SRGAP1: variants seen among roughly 807,000 people sequenced by gnomAD.
SRGAP1 encodes the protein SLIT-ROBO Rho GTPase-activating protein 1.
A neutral mutation model predicts 121.9 loss-of-function variants in SRGAP1; 43 were observed. The observed-to-expected ratio is 0.35, with a 90% CI of 0.28 to 0.46. The LOEUF is 0.46. Ranked by LOEUF, SRGAP1 falls within the 20% of genes least tolerant of loss-of-function variation. SRGAP1 has a pLI of 1.00. For missense variants in SRGAP1, 1,102 were observed against 1,350.9 expected (o/e 0.82, Z 2.89); for synonymous variants, 447 against 485.4 (o/e 0.92, Z 1.04).
At chr12:63,938,323 C>T (rs2031739360) in intron 1 of SRGAP1, among the ~76,000 whole-genome samples, 1 of 152,146 alleles carries the variant, frequency 6.6e-6, no homozygotes, top group Non-Finnish European at 1.5e-5. Context: ...TTTAGGAGCC[C>T]TTGTAGAGGT....
At chr12:63,995,451 G>A (rs1053920439) in intron 3 of SRGAP1, among the ~76,000 whole-genome samples, 8 of 152,270 alleles carry the variant, frequency 5.3e-5, no homozygotes, top group East Asian at 1.9e-4. Flanking sequence ...GTCTTTGCCC[G>A]TATGTCTTAG....
intron 1 of SRGAP1, among the ~76,000 whole-genome samples, chr12:63,951,309 G>A (rs1221929133): frequency 6.6e-6 from 1 of 151,630 alleles, no homozygotes; most frequent in South Asian, 2.1e-4. Flanking sequence ...GATTACAGGC[G>A]CCCACCACCA....
intron 3 of SRGAP1, among the ~76,000 whole-genome samples, chr12:64,001,066 A>G (rs886638837): frequency 1.9e-4 from 29 of 152,330 alleles, no homozygotes; most frequent in Middle Eastern, 3.4e-3. Context: ...ACATACACAT[A>G]CACACACAAA....
intron 1 of SRGAP1, among the ~76,000 whole-genome samples, chr12:63,962,287 T>C (rs1037415125): frequency 6.6e-6 from 1 of 152,230 alleles, no homozygotes; most frequent in Non-Finnish European, 1.5e-5. Context: ...CTTTTTACAA[T>C]GTAGGCTGCT....
chr12:63,997,237 A>G (rs1297294074), intron 3 of SRGAP1, among the ~76,000 whole-genome samples: 1 of 152,168 alleles, frequency 6.6e-6, no homozygotes, highest in African/African-American at 2.4e-5. Flanking sequence ...ATCTTATGGG[A>G]CCACCGTCAT....
chr12:63,999,049 T>C (rs1410957888), intron 3 of SRGAP1, among the ~76,000 whole-genome samples: 1 of 152,142 alleles, frequency 6.6e-6, no homozygotes, highest in Non-Finnish European at 1.5e-5. Flanking sequence ...TTACTTCTTA[T>C]GACTTGGAGA....
intron 17 of SRGAP1, among the ~76,000 whole-genome samples, chr12:64,113,409 A>G (rs1296941790): frequency 6.6e-6 from 1 of 152,162 alleles, no homozygotes; most frequent in Non-Finnish European, 1.5e-5. Context: ...TTCTGTCTCA[A>G]AAAAATAAAA....
intron 3 of SRGAP1, among the ~76,000 whole-genome samples, chr12:64,010,191 T>C (rs1168846883): frequency 2.0e-5 from 3 of 152,124 alleles, no homozygotes; most frequent in Non-Finnish European, 2.9e-5. Flanking sequence ...TCTCTTTTAC[T>C]CCCGCGGTGA....
chr12:64,055,657 T>G (rs2035326685), intron 6 of SRGAP1, among the ~76,000 whole-genome samples: 1 of 152,048 alleles, frequency 6.6e-6, no homozygotes, highest in Non-Finnish European at 1.5e-5. Flanking sequence ...AAAACAGAGA[T>G]ATAGATCAAT....
At chr12:63,919,499 C>CATATATATAT (rs10570691) in intron 1 of SRGAP1, among the ~76,000 whole-genome samples, 2,172 of 133,422 alleles carry the variant, frequency 0.016, 55 homozygotes, top group African/African-American at 0.064. Flanking sequence ...CTTAACATTA[C>CATATATATAT]ATATATATAT....
intron 21 of SRGAP1, 81 bp downstream of exon 21, chr12:64,128,281 T>C (rs1466476372): frequency 7.9e-7 from 1 of 1,264,042 alleles, no homozygotes; most frequent in Non-Finnish European, 1.1e-6. Flanking sequence ...TTTATTTACT[T>C]TTTACTTTAT....
chr12:63,847,998 A>G (rs1898956916), intron 1 of SRGAP1, among the ~76,000 whole-genome samples: 1 of 149,058 alleles, frequency 6.7e-6, no homozygotes. Flanking sequence ...TTATTCTTTA[A>G]TTTTTATTTT....
rs1288070326 is a variant in SRGAP1, at chr12:63,901,286, G to GA, written c.67+56409dup. On this transcript the variant is annotated intron_variant, in intron 1 of 21. Transcript: ENST00000355086. ...TTTCAACACTGGATAAATCTGTAAAGAAAAAATGAGCCATTCCCAGTCCTG... is the reference window on the plus strand; with the variant it reads ...TTTCAACACTGGATAAATCTGTAAAGAAAAAAATGAGCCATTCCCAGTCCTG... Among the ~76,000 whole-genome samples, 9 of 152,226 alleles carry GA rather than the reference G, an allele frequency of 5.9e-5. No homozygotes were observed. In the South Asian group the frequency reaches 6.2e-4, roughly 11 times the overall value.
At chr12:63,965,681 TA>T (rs2032770668) in intron 1 of SRGAP1, among the ~76,000 whole-genome samples, 1 of 152,064 alleles carries the variant, frequency 6.6e-6, no homozygotes, top group African/African-American at 2.4e-5. Flanking sequence ...TAAATAAATT[TA>T]AAAAAACACA....
At chr12:64,063,199 T>TG in intron 7 of SRGAP1, 61 bp downstream of exon 7, 1 of 1,400,724 alleles carries the variant, frequency 7.1e-7, no homozygotes, top group South Asian at 1.2e-5. Context: ...TCTCCTCACT[T>TG]GCTATAATCT....
rs111374903 is a variant in SRGAP1, at chr12:64,131,213, C to T, written c.2880+3013C>T. On this transcript the variant is annotated intron_variant, in intron 21 of 21. Coordinates refer to ENST00000355086, the MANE Select transcript of SRGAP1 (RefSeq NM_020762.4). ...TCAAAATCCTCCTCTGCTGAGGTCA[C>T]CCGTTGGTGAGTACTCACATGGTAT... Among the ~76,000 whole-genome samples the T allele has an allele frequency of 2.2e-3, 337 of 152,282 alleles. 2 individuals are homozygous for T. Among genetic ancestry groups the T allele is most frequent in the African/African-American group, 7.6e-3 (315 of 41,558 alleles).
chr12:63,868,106 G>T (rs1899725038), intron 1 of SRGAP1, among the ~76,000 whole-genome samples: 2 of 96,480 alleles, frequency 2.1e-5, no homozygotes, highest in East Asian at 3.6e-4. Context: ...TTTTGAGATA[G>T]AGTTTCACTC....
intron 17 of SRGAP1, among the ~76,000 whole-genome samples, chr12:64,112,773 G>A (rs1446068308): frequency 6.6e-6 from 1 of 152,164 alleles, no homozygotes; most frequent in African/African-American, 2.4e-5. Flanking sequence ...ATTATGTTAA[G>A]TGAAATAAGC....
intron 6 of SRGAP1, among the ~76,000 whole-genome samples, chr12:64,060,827 G>A (rs995671267): frequency 2.3e-4 from 35 of 152,126 alleles, no homozygotes; most frequent in Non-Finnish European, 3.1e-4. Context: ...GCAAACCAAC[G>A]GACAGCTTAT....
Sources: allele counts gnomAD v4.1 joint callset (sites outside exome capture counted in the v4.1 genomes callset), GRCh38; gene constraint gnomAD v4.1.1; transcripts MANE v1.5; gene names NCBI Gene and HGNC (gene_info 2026-07-23, HGNC 2026-07-21).